Variants in TENM2 observed in about 807,000 individuals in gnomAD.
The protein encoded by TENM2 is teneurin-2.
In TENM2, 52 loss-of-function variants were observed where a neutral mutation model predicts 245.2. The observed-to-expected ratio is 0.21, with a 90% confidence interval of 0.17 to 0.27. The LOEUF (loss-of-function observed/expected upper bound fraction) is 0.27. Ranked by LOEUF, TENM2 falls within the 10% of genes least tolerant of loss-of-function variation. TENM2 has a pLI of 1.00. For synonymous variants in TENM2, 1,363 were observed against 1,438.9 expected (o/e 0.95, Z 1.19); for missense variants, 3,046 against 3,666.8 (o/e 0.83, Z 4.37).
At chr5:167,571,386 A>G (rs918774271) in intron 2 of TENM2, among the ~76,000 whole-genome samples, 1 of 152,234 alleles carries the variant, frequency 6.6e-6, no homozygotes, top group African/African-American at 2.4e-5. Context: ...CTACTGTATC[A>G]TACGCTGTCA....
the TENM2 span, among the ~76,000 whole-genome samples, chr5:167,139,169 C>T: frequency 1.4e-4 from 21 of 152,328 alleles, no homozygotes; most frequent in African/African-American, 4.1e-4. Flanking sequence ...GCATGGGTCT[C>T]GTCCAAGAAC....
chr5:168,081,315 C>T (rs1791975209), intron 7 of TENM2, among the ~76,000 whole-genome samples: 1 of 152,110 alleles, frequency 6.6e-6, no homozygotes, highest in Non-Finnish European at 1.5e-5. Flanking sequence ...TTATTTTGAG[C>T]CTGTGTGTGT....
chr5:167,328,621 C>T (rs1757238937), intron 1 of TENM2, among the ~76,000 whole-genome samples: 1 of 152,200 alleles, frequency 6.6e-6, no homozygotes, highest in African/African-American at 2.4e-5. Context: ...GGCCTTCTCC[C>T]AGCATTCAAA....
chr5:167,400,428 TAGG>T (rs1277617401), intron 2 of TENM2, among the ~76,000 whole-genome samples: 3 of 151,534 alleles, frequency 2.0e-5, no homozygotes, highest in Admixed American at 2.0e-4. Context: ...AGATGGAGGG[TAGG>T]AGGAGAACAT....
chr5:167,982,136 T>C (rs73801476), intron 4 of TENM2, among the ~76,000 whole-genome samples: 121 of 152,330 alleles, frequency 7.9e-4, no homozygotes, highest in African/African-American at 2.6e-3. Flanking sequence ...CCAGGGACTT[T>C]GCACAGGCTG....
intron 2 of TENM2, among the ~76,000 whole-genome samples, chr5:167,534,914 T>C (rs1260521163): frequency 2.0e-5 from 3 of 152,314 alleles, no homozygotes; most frequent in Non-Finnish European, 4.4e-5. Flanking sequence ...AAATTTCTCC[T>C]TAACATGATT....
intron 8 of TENM2, 88 bp downstream of exon 10, chr5:168,090,857 A>G (rs1792881229): frequency 4.1e-6 from 5 of 1,208,276 alleles, no homozygotes; most frequent in Non-Finnish European, 5.9e-6. Flanking sequence ...CTTCTAAGGT[A>G]GTTTCTACTA....
Position 168,247,308 on chromosome 5 carries a change from T to G in TENM2, c.6369T>G (p.Ser2123=). 6.2e-7 allele frequency: 1 copy of G among 1,614,022 alleles called. No homozygotes were observed. Among genetic ancestry groups the G allele is most frequent in the Non-Finnish European group, 8.5e-7 (1 of 1,179,902 alleles). ...ACCTCTACCGCTATGATGAGATTTC[T>G]GGCAAGGTGGAACACTTTGGTAAGT... Residue 2123 remains serine, a synonymous_variant, in exon 27 of 29, where the codon TCT becomes TCG. Transcript: ENST00000518659. The surrounding 1 kb of genome is among the most constrained non-coding windows in gnomAD (Gnocchi z 7.8).
intron 3 of TENM2, among the ~76,000 whole-genome samples, chr5:167,913,556 A>G (rs1206227610): frequency 6.6e-6 from 1 of 152,246 alleles, no homozygotes; most frequent in Non-Finnish European, 1.5e-5. Flanking sequence ...GATTTTGAAT[A>G]TCTTCAGCAT....
At chr5:167,328,198 C>A (rs1581754724) in intron 1 of TENM2, among the ~76,000 whole-genome samples, 2 of 135,748 alleles carry the variant, frequency 1.5e-5, no homozygotes, top group Middle Eastern at 4.0e-3. Context: ...GATAGTTTCT[C>A]ATATCGTTTT....
chr5:167,844,294 C>A (rs1047457337), intron 2 of TENM2, among the ~76,000 whole-genome samples: 1 of 152,066 alleles, frequency 6.6e-6, no homozygotes, highest in Non-Finnish European at 1.5e-5. Flanking sequence ...GTACAAGAGG[C>A]AAAAGGAAAT....
chr5:167,661,374 G>A (rs573015069), intron 2 of TENM2, among the ~76,000 whole-genome samples: 1 of 152,318 alleles, frequency 6.6e-6, no homozygotes, highest in East Asian at 1.9e-4. Flanking sequence ...AAGTGAGTGA[G>A]TTGGGTTAAG....
chr5:167,286,302 T>C (rs1259680842), intron 1 of TENM2, among the ~76,000 whole-genome samples: 1 of 152,246 alleles, frequency 6.6e-6, no homozygotes, highest in Admixed American at 6.5e-5. Flanking sequence ...TGAGTTATCT[T>C]CATGTAAATG....
At chr5:167,182,616 A>G in the TENM2 span, among the ~76,000 whole-genome samples, 1 of 152,138 alleles carries the variant, frequency 6.6e-6, no homozygotes, top group African/African-American at 2.4e-5. Flanking sequence ...CTGATTTTCC[A>G]TTTGCCTTTT....
intron 7 of TENM2, among the ~76,000 whole-genome samples, chr5:168,086,494 C>A (rs534403853): frequency 6.6e-6 from 1 of 152,028 alleles, no homozygotes; most frequent in Non-Finnish European, 1.5e-5. Flanking sequence ...GAGAACTGGG[C>A]GGGGAGAGGT....
chr5:167,960,031 G>A lies in TENM2; in HGVS notation c.947+7209G>A, dbSNP rs913243685. Among the ~76,000 whole-genome samples the A allele has an allele frequency of 9.2e-5, 14 of 152,348 alleles. No homozygotes were observed. In the East Asian group the frequency reaches 2.3e-3, roughly 25 times the overall value. On this transcript the variant is annotated intron_variant, in intron 4 of 28. Transcript: ENST00000518659. ...CTGGGTATCACCAGCGGAGGCTGCA[G>A]ACAGCAAAGACTGCTGCCTGTTCCT...
chr5:167,953,227 T>G (rs1780261081), intron 4 of TENM2, among the ~76,000 whole-genome samples: 1 of 152,212 alleles, frequency 6.6e-6, no homozygotes, highest in Admixed American at 6.5e-5. Flanking sequence ...GGGGAGACCT[T>G]GAGAAACAAT....
chr5:167,236,022 C>T, the TENM2 span, among the ~76,000 whole-genome samples: 14 of 152,156 alleles, frequency 9.2e-5, no homozygotes, highest in African/African-American at 3.4e-4. Context: ...TCCTTCCTCC[C>T]ACCTCACAAA....
chr5:167,411,120 G>A (rs1182120768), intron 2 of TENM2, among the ~76,000 whole-genome samples: 3 of 152,068 alleles, frequency 2.0e-5, no homozygotes, highest in African/African-American at 7.2e-5. Flanking sequence ...TTCTAAATCG[G>A]AATCCACCAT....
Sources: gnomAD v4.1 joint callset for allele counts (sites outside exome capture counted in the v4.1 genomes callset) on GRCh38, gnomAD v4.1.1 for gene constraint, Gnocchi (gnomAD v3.1) non-coding constraint, MANE v1.5 for transcripts, NCBI Gene and HGNC (gene_info 2026-07-23, HGNC 2026-07-21) for gene names.